The following ANOS1 variants were observed in gnomAD, a reference collection of about 807,000 sequenced individuals.
The protein encoded by ANOS1 is anosmin-1.
A neutral mutation model predicts 59.0 loss-of-function variants in ANOS1; 6 were observed. The observed-to-expected ratio is 0.10, with a 90% CI of 0.06 to 0.20. The LOEUF (loss-of-function observed/expected upper bound fraction) is 0.20. Ranked by LOEUF, ANOS1 falls within the 10% of genes least tolerant of loss-of-function variation. ANOS1 has a pLI of 1.00. For synonymous variants in ANOS1, 217 were observed against 223.4 expected (o/e 0.97, Z 0.25); for missense variants, 433 against 542.3 (o/e 0.80, Z 2.00).
intron 8 of ANOS1, among the ~76,000 whole-genome samples, chrX:8,561,226 C>T (rs1452024472): frequency 2.7e-5 from 3 of 112,565 alleles, no homozygotes; most frequent in Non-Finnish European, 3.7e-5. Context: ...TTGTTAGATT[C>T]GCATTTAGGC....
At chrX:8,680,025 G>A (rs945938348) in intron 2 of ANOS1, among the ~76,000 whole-genome samples, 1 of 109,232 alleles carries the variant, frequency 9.2e-6, no homozygotes, top group Non-Finnish European at 1.9e-5. Context: ...GCCTGGCATG[G>A]TGGTGTGTGC....
rs751793587 is a variant in ANOS1 at position 8,612,551 on chromosome X, G to GGTTT, written c.318+11056_318+11057insAAAC. ...ATAAAGAAAAACAATAAAACAAGAAGTTTTTTTTTTTTTTTTTAAAGAAGC... is the reference window on the plus strand; with the variant it reads ...ATAAAGAAAAACAATAAAACAAGAAGGTTTTTTTTTTTTTTTTTTTTAAAGAAGC... On this transcript the variant is annotated intron_variant, in intron 3 of 13. Transcript: ENST00000262648. Among the ~76,000 whole-genome samples, 227 of 60,825 alleles carry GGTTT rather than the reference G, an allele frequency of 3.7e-3. 1 individual carries two copies. The highest frequency in any genetic ancestry group is 0.011 in the African/African-American group (202 of 18,201). The allele number at this position is 60,825 out of a possible 115,157, so 52.8% of individuals were successfully genotyped here. A position where few individuals can be genotyped will look rare whatever the true frequency, so the allele number is the denominator to read the frequency against.
At chrX:8,620,309 C>T (rs767328165) in intron 3 of ANOS1, among the ~76,000 whole-genome samples, 3 of 111,861 alleles carry the variant, frequency 2.7e-5, no homozygotes, top group Admixed American at 9.5e-5. Flanking sequence ...GTTTGCCTTG[C>T]GAGTCATGGT....
chrX:8,665,520 T>G (rs1466578414), intron 2 of ANOS1, among the ~76,000 whole-genome samples: 4 of 112,379 alleles, frequency 3.6e-5, no homozygotes, highest in African/African-American at 6.5e-5. Flanking sequence ...TGGGTAACAT[T>G]TTTTCCCTCC....
At chrX:8,714,663 A>G (rs1276765410) in intron 1 of ANOS1, among the ~76,000 whole-genome samples, 1 of 111,630 alleles carries the variant, frequency 9.0e-6, no homozygotes, top group Non-Finnish European at 1.9e-5. Context: ...TGCTATACAC[A>G]TGTAAACTAG....
intron 2 of ANOS1, among the ~76,000 whole-genome samples, chrX:8,646,932 C>CA (rs775821235): frequency 0.01 from 527 of 51,745 alleles, 1 homozygote; most frequent in African/African-American, 0.017. Context: ...GAACCTGTCT[C>CA]AAAAAAAAAA....
intron 6 of ANOS1, among the ~76,000 whole-genome samples, chrX:8,577,048 T>C (rs774764776): frequency 2.2e-4 from 24 of 111,413 alleles, no homozygotes; most frequent in African/African-American, 7.5e-4. Context: ...TATGTTCCAA[T>C]AAAACTTTAT....
At chrX:8,655,056 G>A (rs1032666261) in intron 2 of ANOS1, among the ~76,000 whole-genome samples, 1 of 110,747 alleles carries the variant, frequency 9.0e-6, no homozygotes. Context: ...TTTTTTCCAT[G>A]GACTGGGTGA....
intron 2 of ANOS1, among the ~76,000 whole-genome samples, chrX:8,631,516 C>T (rs772283109): frequency 1.7e-4 from 19 of 110,839 alleles, no homozygotes; most frequent in South Asian, 1.6e-3. Context: ...AGAATGGCAA[C>T]CTGTATGAGA....
At chrX:8,702,655 G>A (rs1932762680) in intron 1 of ANOS1, among the ~76,000 whole-genome samples, 1 of 111,992 alleles carries the variant, frequency 8.9e-6, no homozygotes, top group Non-Finnish European at 1.9e-5. Flanking sequence ...ATGCTAGAGG[G>A]GTTTCATAGT....
intron 2 of ANOS1, among the ~76,000 whole-genome samples, chrX:8,659,615 TTCCTTCCTTCCTTCC>T (rs1420403110): frequency 0.017 from 1,637 of 98,552 alleles, 66 homozygotes; most frequent in African/African-American, 0.059. Context: ...CCTTCCTTCC[TTCCTTCCTTCCTTCC>T]TTCTTTCTTT....
At chrX:8,728,027 T>C (rs1055107683) in intron 1 of ANOS1, among the ~76,000 whole-genome samples, 7 of 112,443 alleles carry the variant, frequency 6.2e-5, no homozygotes, top group African/African-American at 2.3e-4. Flanking sequence ...CTTATTTCCT[T>C]TAACAAACAC....
At chrX:8,543,098 T>C (rs1478565562) in intron 9 of ANOS1, among the ~76,000 whole-genome samples, 12 of 105,824 alleles carry the variant, frequency 1.1e-4, no homozygotes, top group Non-Finnish European at 1.9e-5. Flanking sequence ...TAAACAAAGA[T>C]GAGCATGGTG....
At chrX:8,691,054 G>A (rs1357500507) in intron 2 of ANOS1, among the ~76,000 whole-genome samples, 2 of 107,141 alleles carry the variant, frequency 1.9e-5, no homozygotes, top group Non-Finnish European at 3.9e-5. Flanking sequence ...ATAACTCTGA[G>A]CTGAAAGTTA....
At chrX:8,569,589 C>T (rs1461610036) in intron 7 of ANOS1, among the ~76,000 whole-genome samples, 2 of 111,759 alleles carry the variant, frequency 1.8e-5, no homozygotes, top group Non-Finnish European at 3.8e-5. Flanking sequence ...TTGCAGTGAG[C>T]CGAGATTGCT....
intron 2 of ANOS1, among the ~76,000 whole-genome samples, chrX:8,626,192 C>T (rs961477310): frequency 9.5e-6 from 1 of 104,851 alleles, no homozygotes; most frequent in South Asian, 4.5e-4. Context: ...GGAATAAATG[C>T]TTGTTGGATG....
chrX:8,648,190 G>T (rs1442434098), intron 2 of ANOS1, among the ~76,000 whole-genome samples: 1 of 111,833 alleles, frequency 8.9e-6, no homozygotes, highest in African/African-American at 3.2e-5. Flanking sequence ...GCCAGGCGTA[G>T]TTGCTCATGC....
chrX:8,614,866 A>AAAAAAATAAAAAAATTTTTATATTTTAT (rs750685412), intron 3 of ANOS1, among the ~76,000 whole-genome samples: 24 of 104,646 alleles, frequency 2.3e-4, no homozygotes, highest in African/African-American at 7.7e-4. Flanking sequence ...GAGTAATATA[A>AAAAAAATAAAAAAATTTTTATATTTTAT]GAAAAATATA....
chrX:8,687,016 A>G (rs1186721940), intron 2 of ANOS1, among the ~76,000 whole-genome samples: 1 of 111,934 alleles, frequency 8.9e-6, no homozygotes, highest in African/African-American at 3.2e-5. Context: ...AAATGGCATG[A>G]CATAAGAGAC....
Sources: gnomAD v4.1 joint callset for allele counts (sites outside exome capture counted in the v4.1 genomes callset) on GRCh38, gnomAD v4.1.1 for gene constraint, MANE v1.5 for transcripts, NCBI Gene and HGNC (gene_info 2026-07-23, HGNC 2026-07-21) for gene names.